Variants in CASP6 observed in about 807,000 individuals in gnomAD.
The protein encoded by CASP6 is caspase-6.
In CASP6, 20 loss-of-function variants were observed where a neutral mutation model predicts 31.8. That is an observed-to-expected ratio of 0.63 (90% CI 0.44 to 0.91). The LOEUF (loss-of-function observed/expected upper bound fraction) is 0.91. Among genes scored for constraint, CASP6 ranks in the 40% least tolerant of loss-of-function variants. CASP6 has a pLI of 0.00. For synonymous variants in CASP6, 130 were observed against 127.8 expected (o/e 1.02, Z -0.12); for missense variants, 328 against 361.1 (o/e 0.91, Z 0.74).
chr4:109,669,600 ATTC>A, the CASP6 span, among the ~76,000 whole-genome samples: 5 of 151,524 alleles, frequency 3.3e-5, no homozygotes, highest in African/African-American at 1.2e-4. Flanking sequence ...TAATCAAATA[ATTC>A]TTCTGTTCTT....
chr4:109,698,646 A>C (rs1361481784), intron 1 of CASP6, among the ~76,000 whole-genome samples: 1 of 152,248 alleles, frequency 6.6e-6, no homozygotes, highest in East Asian at 1.9e-4. Context: ...CAGTTCTGTG[A>C]TTACGGAGTT....
chr4:109,687,841 A>G (rs1729886062), downstream of CASP6: 1 of 454,856 alleles, frequency 2.2e-6, no homozygotes, highest in South Asian at 2.8e-5. Context: ...AATCCTTGTC[A>G]GCTTGTCCCA....
Position 109,689,551 on chromosome 4 carries a change from C to G in CASP6, c.661G>C (p.Glu221Gln). ...ATGTACCATGAGCCGTTCACAGTTT[C>G]CCGGTGAGAATAATATCCTAAAAAA... is the stretch of plus-strand genomic sequence containing the variant. ...SVAEGYYSHRETVNGSWYIQD... is the reference protein window; with the variant it reads ...SVAEGYYSHRQTVNGSWYIQD... The change falls in exon 7 of 7, where the codon GAA becomes CAA. Residue 221 changes from glutamate to glutamine, a missense_variant. Transcript: ENST00000265164. 1 of 1,614,096 alleles carries G rather than the reference C, an allele frequency of 6.2e-7. No individual in the cohort carries two copies. The highest frequency in any genetic ancestry group is 1.1e-5 in the South Asian group (1 of 91,062).
chr4:109,706,174 C>CATATATATATATATATATAT (rs1277675493), upstream of CASP6, among the ~76,000 whole-genome samples: 5 of 91,912 alleles, frequency 5.4e-5, no homozygotes, highest in African/African-American at 2.6e-4. Flanking sequence ...TATATATACA[C>CATATATATATATATATATAT]ACACACATAT....
the CASP6 span, among the ~76,000 whole-genome samples, chr4:109,681,671 C>T: frequency 6.6e-6 from 1 of 152,204 alleles, no homozygotes; most frequent in African/African-American, 2.4e-5. Flanking sequence ...GGCACTTAGC[C>T]GTGCAGGAAC....
chr4:109,665,318 T>A, the CASP6 span, among the ~76,000 whole-genome samples: 1 of 152,228 alleles, frequency 6.6e-6, no homozygotes, highest in African/African-American at 2.4e-5. Context: ...TTTATTTAGA[T>A]GTTTAATGAT....
chr4:109,694,482 A>G, intron 5 of CASP6, 43 bp downstream of exon 5: 1 of 1,481,370 alleles, frequency 6.8e-7, no homozygotes, highest in Non-Finnish European at 9.0e-7. Context: ...CATGTTCAGA[A>G]TGACAGACTT....
chr4:109,697,217 T>C (rs574278281), intron 3 of CASP6, among the ~76,000 whole-genome samples: 1 of 152,140 alleles, frequency 6.6e-6, no homozygotes, highest in Non-Finnish European at 1.5e-5. Flanking sequence ...AAGTCTGGAA[T>C]TTTTTTAATT....
rs541320968 is a variant in CASP6 at position 109,703,134 on chromosome 4, G to A, written c.40+222C>T. Among the ~76,000 whole-genome samples the A allele has an allele frequency of 3.3e-5, 5 of 152,280 alleles. No homozygotes were observed. In the East Asian group the frequency reaches 9.7e-4, roughly 30 times the overall value. On this transcript the variant is annotated intron_variant, in intron 1 of 6. Coordinates refer to ENST00000265164, the MANE Select transcript of CASP6 (RefSeq NM_001226.4). ...CGCTACTCGGGACCGCCAGGAGGCG[G>A]CAGCCAGGTCCCCGAGTGTTTCTTA...
intron 1 of CASP6, 93 bp downstream of exon 1, chr4:109,703,263 C>A: frequency 1.4e-6 from 2 of 1,430,526 alleles, no homozygotes; most frequent in Non-Finnish European, 1.9e-6. Flanking sequence ...GGCCCCACTC[C>A]GGTCCGCGCG....
downstream of CASP6, chr4:109,688,380 G>GCTGA (rs1729905193): frequency 6.6e-6 from 1 of 152,226 alleles, no homozygotes; most frequent in African/African-American, 2.4e-5. Flanking sequence ...CATGGAAGAT[G>GCTGA]CTGACAGAAT....
At chr4:109,682,855 G>A in the CASP6 span, 40 of 767,060 alleles carry the variant, frequency 5.2e-5, no homozygotes, top group African/African-American at 7.2e-5. Flanking sequence ...TCTCCTTTAC[G>A]CCTCACAAAA....
At chr4:109,698,237 T>A (rs1263923818) in intron 2 of CASP6, 63 bp downstream of exon 2, 2 of 1,526,910 alleles carry the variant, frequency 1.3e-6, no homozygotes, top group African/African-American at 2.8e-5. Context: ...TTGCTTTGAT[T>A]TCTGTAGGCT....
chr4:109,678,005 G>T, the CASP6 span, among the ~76,000 whole-genome samples: 3 of 151,680 alleles, frequency 2.0e-5, no homozygotes, highest in African/African-American at 7.3e-5. Flanking sequence ...TGAGATTAGG[G>T]AGTGGTGATG....
Position 109,689,575 on chromosome 4 carries a change from A to T in CASP6, c.644-7T>A, listed in dbSNP as rs1169216554. 13 of 1,609,708 alleles carry T rather than the reference A, an allele frequency of 8.1e-6. No individual in the cohort carries two copies. The highest frequency in any genetic ancestry group is 4.0e-5 in the African/African-American group (3 of 74,818). On this transcript the variant is annotated splice_region_variant and splice_polypyrimidine_tract_variant and intron_variant, in intron 6 of 6. Coordinates refer to ENST00000265164, the MANE Select transcript of CASP6 (RefSeq NM_001226.4). ...TCCCGGTGAGAATAATATCCTAAAA[A>T]AGTGAGAAGGAAAATGTTGCTGCAG...
chr4:109,694,813 G>T, intron 4 of CASP6, 113 bp from the exon 5 acceptor site: 1 of 1,058,928 alleles, frequency 9.4e-7, no homozygotes, highest in South Asian at 2.3e-5. Context: ...GATTGGGGAG[G>T]AGGAAAATTT....
intron 5 of CASP6, 104 bp from the exon 6 acceptor site, chr4:109,691,113 A>C: frequency 8.1e-7 from 1 of 1,237,560 alleles, no homozygotes; most frequent in South Asian, 1.7e-5. Context: ...ATTACAACAG[A>C]AACCACATTC....
chr4:109,684,731 A>G (rs1579100974), downstream of CASP6: 17 of 676,582 alleles, frequency 2.5e-5, no homozygotes, highest in East Asian at 3.9e-4. Context: ...AAGCCTTTTT[A>G]TTTACTGAAT....
chr4:109,694,436 A>C, intron 5 of CASP6, 89 bp downstream of exon 5: 1 of 1,218,244 alleles, frequency 8.2e-7, no homozygotes, highest in Non-Finnish European at 1.1e-6. Context: ...TTACTGGAGA[A>C]AGTTACTTTC....
Sources: gnomAD v4.1 joint callset for allele counts (sites outside exome capture counted in the v4.1 genomes callset) on GRCh38, gnomAD v4.1.1 for gene constraint, MANE v1.5 for transcripts, NCBI Gene and HGNC (gene_info 2026-07-23, HGNC 2026-07-21) for gene names.